GARNL3: variants seen among roughly 807,000 people sequenced by gnomAD.
GARNL3 encodes the protein GTPase activating Rap/RanGAP domain like 3, also known as GTPase-activating Rap/Ran-GAP domain-like protein 3.
Under a neutral mutation model 125.0 loss-of-function variants are expected in GARNL3, and 63 were observed. The observed-to-expected ratio is 0.50, with a 90% confidence interval of 0.41 to 0.62. The LOEUF is 0.62. GARNL3 is among the 20% of genes least tolerant of loss of function. GARNL3 has a pLI of 0.00. For synonymous variants in GARNL3, 439 were observed against 457.5 expected (o/e 0.96, Z 0.52); for missense variants, 994 against 1,244.0 (o/e 0.80, Z 3.02).
intron 10 of GARNL3, among the ~76,000 whole-genome samples, 166 bp downstream of exon 10, chr9:127,335,499 G>A (rs1442235077): frequency 1.3e-5 from 2 of 152,194 alleles, no homozygotes; most frequent in South Asian, 2.1e-4. Context: ...ACAAATCTTA[G>A]GAAGAGCTAT....
intron 6 of GARNL3, among the ~76,000 whole-genome samples, chr9:127,321,766 A>G (rs1169728764): frequency 2.0e-5 from 3 of 152,224 alleles, no homozygotes; most frequent in Non-Finnish European, 2.9e-5. Context: ...ATGGGTGACA[A>G]GAGAGGAGGC....
chr9:127,326,676 GT>G (rs1469454943), intron 7 of GARNL3, among the ~76,000 whole-genome samples: 2 of 152,110 alleles, frequency 1.3e-5, no homozygotes, highest in African/African-American at 4.8e-5. Context: ...GAATGCTTGT[GT>G]CCCCCCAAAA....
chr9:127,368,442 C>G (rs1435363561), intron 22 of GARNL3, among the ~76,000 whole-genome samples: 1 of 151,470 alleles, frequency 6.6e-6, no homozygotes, highest in Non-Finnish European at 1.5e-5. Flanking sequence ...GCAATTCTCC[C>G]GTCTCAGCCT....
intron 2 of GARNL3, among the ~76,000 whole-genome samples, chr9:127,295,000 G>A (rs753329012): frequency 1.4e-4 from 22 of 152,202 alleles, no homozygotes; most frequent in Non-Finnish European, 2.4e-4. Flanking sequence ...CCTTATCAGC[G>A]ACAGCCAGTG....
intron 12 of GARNL3, 90 bp downstream of exon 12, chr9:127,338,251 T>C: frequency 9.6e-7 from 1 of 1,043,462 alleles, no homozygotes; most frequent in South Asian, 1.3e-5. Context: ...ATATACATAT[T>C]TCTTGATTGA....
At chr9:127,342,425 A>G (rs1829910823) in intron 14 of GARNL3, 91 bp downstream of exon 14, 3 of 857,638 alleles carry the variant, frequency 3.5e-6, no homozygotes, top group Admixed American at 1.9e-5. Context: ...CTGGTGAGAA[A>G]AGCGTAGGAG....
At chr9:127,265,054 A>G in intron 1 of GARNL3, 33 bp downstream of exon 1, 1 of 1,572,988 alleles carries the variant, frequency 6.4e-7, no homozygotes, top group Middle Eastern at 1.7e-4. Flanking sequence ...GTGGTAGTAC[A>G]TTGATTTAGA....
rs745822957 is a variant in GARNL3 at position 127,384,107 on chromosome 9, CTG to C, written c.2269+568_2269+569del. ...TCATTCTTTTGTCCTCACAATAAAA[CTG>C]TGTGTTAATAGGTCCACAGGACAGC... On this transcript the variant is annotated intron_variant, in intron 23 of 27. Transcript: ENST00000373387. The surrounding 1 kb of genome is among the most constrained non-coding windows in gnomAD (Gnocchi z 4.0). Among the ~76,000 whole-genome samples the C allele has an allele frequency of 1.3e-5, 2 of 152,184 alleles. No homozygotes were observed. The highest frequency in any genetic ancestry group is 2.1e-4 in the South Asian group (1 of 4,830).
At chr9:127,339,346 G>A (rs1024472449) in intron 12 of GARNL3, among the ~76,000 whole-genome samples, 2 of 152,098 alleles carry the variant, frequency 1.3e-5, no homozygotes, top group Non-Finnish European at 2.9e-5. Context: ...CACATGGCTG[G>A]GGAGGCCTCA....
At position 127,393,194 on chromosome 9, in the gene GARNL3, C is replaced by T. The variant is rs766390093; in HGVS notation, c.2982C>T (p.Ser994=). 28 of 1,613,686 alleles carry T rather than the reference C, an allele frequency of 1.7e-5. No individual in the cohort carries two copies. Among genetic ancestry groups the T allele is most frequent in the Middle Eastern group, 1.7e-4 (1 of 6,060 alleles). Residue 994 remains serine, a synonymous_variant, in exon 28 of 28, where the codon TCC becomes TCT. Transcript: ENST00000373387. ...CAGACAGAGAGGGCAGCCCGGTCTC[C>T]GGCAGCAGCCCCTTCCAGCTCACGG... ...PVADREGSPV[S]GSSPFQLTAF...
chr9:127,343,257 C>T (rs2131614641), intron 14 of GARNL3, among the ~76,000 whole-genome samples: 1 of 152,256 alleles, frequency 6.6e-6, no homozygotes, highest in Non-Finnish European at 1.5e-5. Context: ...ACCCCAACCA[C>T]TCGCAGGGAT....
intron 1 of GARNL3, among the ~76,000 whole-genome samples, chr9:127,227,321 C>T (rs2062930164): frequency 6.6e-6 from 1 of 152,128 alleles, no homozygotes; most frequent in Non-Finnish European, 1.5e-5. Flanking sequence ...AATTTGTGGG[C>T]CAGGCGCAGT....
intron 22 of GARNL3, among the ~76,000 whole-genome samples, chr9:127,372,125 A>G (rs1831645603): frequency 6.6e-6 from 1 of 152,092 alleles, no homozygotes; most frequent in African/African-American, 2.4e-5. Context: ...CATACCTCAC[A>G]TTCATTCATT....
chr9:127,355,291 T>C lies in GARNL3; in HGVS notation c.1760-6T>C. 1 of 1,613,094 alleles carries C rather than the reference T, an allele frequency of 6.2e-7. No homozygotes were observed. The highest frequency in any genetic ancestry group is 8.5e-7 in the Non-Finnish European group (1 of 1,179,108). On this transcript the variant is annotated splice_region_variant and splice_polypyrimidine_tract_variant and intron_variant, in intron 19 of 27. Transcript: ENST00000373387. ...TGTGTAAGGCATCATTTCTTTCTCC[T>C]CCCAGGCTGCCACCTGTATGCTATT...
intron 25 of GARNL3, 52 bp downstream of exon 25, chr9:127,387,383 CTCTAGTTTGTTG>C: frequency 6.6e-7 from 1 of 1,509,552 alleles, no homozygotes; most frequent in South Asian, 1.2e-5. Context: ...ACTCTAATTT[CTCTAGTTTGTTG>C]TCTAATATCT....
intron 21 of GARNL3, 74 bp from the exon 22 acceptor site, chr9:127,365,226 C>A: frequency 7.6e-7 from 1 of 1,316,526 alleles, no homozygotes; most frequent in Non-Finnish European, 1.1e-6. Flanking sequence ...TCCACAAATG[C>A]TCACAACTTG....
intron 4 of GARNL3, among the ~76,000 whole-genome samples, chr9:127,317,539 A>G (rs548529220): frequency 6.6e-6 from 1 of 152,248 alleles, no homozygotes; most frequent in Non-Finnish European, 1.5e-5. Context: ...AGCCTGGCCA[A>G]CATGGCAAAA....
intron 1 of GARNL3, among the ~76,000 whole-genome samples, chr9:127,282,815 A>G (rs1355702487): frequency 6.6e-6 from 1 of 152,248 alleles, no homozygotes; most frequent in African/African-American, 2.4e-5. Flanking sequence ...ACAAAGCAGT[A>G]AAATAAATGA....
Position 127,393,185 on chromosome 9 carries a change from C to T in GARNL3, c.2973C>T (p.Ser991=), listed in dbSNP as rs774187124. The stretch of plus-strand genomic sequence containing the variant: ...ACCCTGTGGCAGACAGAGAGGGCAG[C>T]CCGGTCTCCGGCAGCAGCCCCTTCC... The part of the protein sequence containing the change: ...DQDPVADREG[S]PVSGSSPFQL... Residue 991 remains serine (S), a synonymous_variant, in exon 28 of 28, where the codon AGC becomes AGT. Transcript: ENST00000373387. The T allele has an allele frequency of 1.2e-6, 2 of 1,613,706 alleles. No individual in the cohort carries two copies. Among genetic ancestry groups the T allele is most frequent in the African/African-American group, 1.3e-5 (1 of 74,938 alleles).
Sources: allele counts gnomAD v4.1 joint callset (sites outside exome capture counted in the v4.1 genomes callset), GRCh38; gene constraint gnomAD v4.1.1; non-coding constraint Gnocchi (gnomAD v3.1); transcripts MANE v1.5; gene names NCBI Gene and HGNC (gene_info 2026-07-23, HGNC 2026-07-21).